Variants in ELOVL7 observed in about 807,000 individuals in gnomAD.
ELOVL7 encodes ELOVL fatty acid elongase 7, also known as very long chain fatty acid elongase 7.
In ELOVL7, 27 loss-of-function variants were observed where a neutral mutation model predicts 35.7. The ratio of observed to expected loss-of-function variants is 0.76; its 90% CI spans 0.56 to 1.04. ELOVL7 has a LOEUF of 1.04. Among genes scored for constraint, ELOVL7 ranks in the 50% least tolerant of loss-of-function variants. The probability of loss-of-function intolerance (pLI) is 0.00; values close to 1 mark genes in which losing one functional copy is unlikely to be tolerated. For synonymous variants in ELOVL7, 113 were observed against 114.6 expected (o/e 0.99, Z 0.09); for missense variants, 327 against 340.8 (o/e 0.96, Z 0.32).
At position 60,754,270 on chromosome 5, in the gene ELOVL7, A is replaced by G. The variant is rs960789545; in HGVS notation, c.*354T>C. On this transcript the variant is annotated 3_prime_UTR_variant, in exon 9 of 9. Coordinates refer to ENST00000508821, the MANE Select transcript of ELOVL7 (RefSeq NM_024930.3). ...ACATGGATCTCCGTCTGTGCTCAAA[A>G]TACCTAATGATATTTTTCATCTTTA... 1 of 200,538 alleles carries G rather than the reference A, an allele frequency of 5.0e-6. No homozygotes were observed. Among genetic ancestry groups the G allele is most frequent in the African/African-American group, 2.4e-5 (1 of 42,542 alleles). The allele number at this position is 200,538 out of a possible 1,614,324, so 12.4% of individuals were successfully genotyped here.
At position 60,781,800 on chromosome 5, in the gene ELOVL7, C is replaced by T. The variant is rs1457555476; in HGVS notation, c.64+5534G>A. ...TCTGATCCTGGTTCTCCCACTGGCT[C>T]GCTATGTCACCTTGGGCAATTGACT... On this transcript the variant is annotated intron_variant, in intron 3 of 8. Transcript: ENST00000508821. Among the ~76,000 whole-genome samples the T allele has an allele frequency of 2.0e-4, 30 of 152,162 alleles. 1 individual carries two copies. Among genetic ancestry groups the T allele is most frequent in the Admixed American group, 1.9e-3 (29 of 15,280 alleles).
intron 6 of ELOVL7, among the ~76,000 whole-genome samples, chr5:60,765,083 G>T (rs1156537819): frequency 6.6e-6 from 1 of 152,182 alleles, no homozygotes; most frequent in Non-Finnish European, 1.5e-5. Context: ...AAGAGTATTT[G>T]AGCAATGTAG....
intron 7 of ELOVL7, among the ~76,000 whole-genome samples, chr5:60,760,552 T>C (rs1040282817): frequency 6.6e-6 from 1 of 152,212 alleles, no homozygotes; most frequent in African/African-American, 2.4e-5. Flanking sequence ...CTTTGTCAGA[T>C]GGGTAGGTTG....
intron 2 of ELOVL7, among the ~76,000 whole-genome samples, chr5:60,798,678 T>C (rs913789732): frequency 6.6e-6 from 1 of 152,176 alleles, no homozygotes; most frequent in African/African-American, 2.4e-5. Flanking sequence ...TAAATACATA[T>C]GTACCCAACA....
chr5:60,789,590 T>G (rs995547004), intron 2 of ELOVL7, among the ~76,000 whole-genome samples: 7 of 152,198 alleles, frequency 4.6e-5, no homozygotes, highest in Non-Finnish European at 1.0e-4. Context: ...TGCATACTTT[T>G]AACACAGCAT....
chr5:60,791,472 C>A (rs373834547), intron 2 of ELOVL7, among the ~76,000 whole-genome samples: 22 of 152,250 alleles, frequency 1.4e-4, no homozygotes, highest in African/African-American at 5.1e-4. Flanking sequence ...GCTCAAATCT[C>A]AGCATCACAC....
At position 60,790,988 on chromosome 5, in the gene ELOVL7, T is replaced by G. The variant is rs536632233; in HGVS notation, c.-34-3557A>C. Among the ~76,000 whole-genome samples the G allele has an allele frequency of 8.5e-5, 13 of 152,294 alleles. No homozygotes were observed. In the South Asian group the frequency reaches 2.5e-3, roughly 29 times the overall value. On this transcript the variant is annotated intron_variant, in intron 2 of 8. Coordinates refer to ENST00000508821, the MANE Select transcript of ELOVL7 (RefSeq NM_024930.3). The stretch of plus-strand genomic sequence containing the variant: ...TTTGTCTGCTTTTTTGGTTTGGTTT[T>G]GTTTTCTGAGACAGGGTCTGGCTCT...
chr5:60,769,275 C>T (rs148085302), intron 4 of ELOVL7, among the ~76,000 whole-genome samples: 4 of 152,184 alleles, frequency 2.6e-5, no homozygotes, highest in African/African-American at 9.7e-5. Context: ...CTCATATTCT[C>T]TTGTGCTCAG....
At chr5:60,761,032 T>C (rs1038414873) in intron 7 of ELOVL7, among the ~76,000 whole-genome samples, 3 of 130,952 alleles carry the variant, frequency 2.3e-5, no homozygotes, top group African/African-American at 4.2e-5. Flanking sequence ...TGACAAGCTA[T>C]TTTAATATTT....
chr5:60,777,100 G>C (rs948096648), intron 3 of ELOVL7, among the ~76,000 whole-genome samples: 1 of 141,836 alleles, frequency 7.1e-6, no homozygotes, highest in African/African-American at 2.6e-5. Context: ...GCTAGGAAGG[G>C]TACTAGGGGG....
intron 2 of ELOVL7, among the ~76,000 whole-genome samples, chr5:60,788,725 A>C (rs1743747094): frequency 6.6e-6 from 1 of 152,030 alleles, no homozygotes; most frequent in African/African-American, 2.4e-5. Flanking sequence ...CAGTGAGCAG[A>C]TTGTGCCACT....
chr5:60,755,343 T>C (rs949386523), intron 8 of ELOVL7, among the ~76,000 whole-genome samples: 8 of 152,164 alleles, frequency 5.3e-5, no homozygotes, highest in African/African-American at 1.9e-4. Context: ...TACCTGCCAC[T>C]TGTCCTCCAC....
intron 3 of ELOVL7, among the ~76,000 whole-genome samples, chr5:60,777,969 CA>C (rs1743006579): frequency 6.6e-6 from 1 of 152,158 alleles, no homozygotes; most frequent in Non-Finnish European, 1.5e-5. Context: ...AGAAATTAAA[CA>C]AAAGTTTGAT....
intron 1 of ELOVL7, among the ~76,000 whole-genome samples, chr5:60,805,862 T>C (rs553104410): frequency 5.6e-4 from 85 of 152,320 alleles, no homozygotes; most frequent in African/African-American, 1.9e-3. Context: ...ATTATGTCCA[T>C]ATTCCCAGGG....
chr5:60,766,151 C>T (rs1335942670), intron 6 of ELOVL7, among the ~76,000 whole-genome samples: 2 of 152,120 alleles, frequency 1.3e-5, no homozygotes, highest in Non-Finnish European at 2.9e-5. Flanking sequence ...TATTCATCCT[C>T]CTAAAGGAAT....
At chr5:60,784,121 G>A in intron 3 of ELOVL7, 1 of 1,512,578 alleles carries the variant, frequency 6.6e-7, no homozygotes, top group Non-Finnish European at 8.9e-7. Flanking sequence ...TTTTCCATCA[G>A]CTGCTTCTAA....
chr5:60,786,717 C>T (rs1373253571), intron 3 of ELOVL7, among the ~76,000 whole-genome samples: 13 of 152,002 alleles, frequency 8.6e-5, no homozygotes, highest in South Asian at 4.2e-4. Flanking sequence ...GAGGCCAAGG[C>T]GGGCGGATCA....
At chr5:60,759,140 T>C (rs1444413882) in intron 7 of ELOVL7, among the ~76,000 whole-genome samples, 4 of 152,224 alleles carry the variant, frequency 2.6e-5, no homozygotes, top group African/African-American at 9.6e-5. Context: ...CTGTTTTAAA[T>C]AATTACTTTT....
chr5:60,792,752 TAAC>T (rs1744014060), intron 2 of ELOVL7, among the ~76,000 whole-genome samples: 1 of 152,162 alleles, frequency 6.6e-6, no homozygotes. Context: ...ATCCTTTAGT[TAAC>T]AGCAGAACCA....
Sources: allele counts gnomAD v4.1 joint callset (sites outside exome capture counted in the v4.1 genomes callset), GRCh38; gene constraint gnomAD v4.1.1; transcripts MANE v1.5; gene names NCBI Gene and HGNC (gene_info 2026-07-23, HGNC 2026-07-21).